MINDY3: variants seen among roughly 807,000 people sequenced by gnomAD.
MINDY3 encodes the protein ubiquitin carboxyl-terminal hydrolase MINDY-3.
MINDY3 carries 38 observed loss-of-function variants against 69.2 expected under a neutral mutation model. That is an observed-to-expected ratio of 0.55 (90% CI 0.42 to 0.72). The LOEUF is 0.72. MINDY3 is among the 30% of genes least tolerant of loss of function. MINDY3 has a pLI of 0.00. For synonymous variants in MINDY3, 192 were observed against 180.1 expected, an observed-to-expected ratio of 1.07 and a Z score of -0.53; for missense variants, 522 against 519.0, an observed-to-expected ratio of 1.01 and a Z score of -0.06.
At chr10:15,801,352 C>T (rs1161748347) in intron 10 of MINDY3, among the ~76,000 whole-genome samples, 1 of 152,110 alleles carries the variant, frequency 6.6e-6, no homozygotes, top group Non-Finnish European at 1.5e-5. Flanking sequence ...AAAGATAACA[C>T]CAGCTGCCAA....
chr10:15,860,147 C>T, intron 1 of MINDY3, 59 bp downstream of exon 1: 5 of 1,284,000 alleles, frequency 3.9e-6, no homozygotes, highest in Non-Finnish European at 4.4e-6. Context: ...GCGTCACAGG[C>T]GGACTCTCGC....
At chr10:15,859,837 T>A (rs916592886) in intron 1 of MINDY3, among the ~76,000 whole-genome samples, 4 of 152,162 alleles carry the variant, frequency 2.6e-5, no homozygotes, top group African/African-American at 9.7e-5. Context: ...GACAGCTCTG[T>A]TAGGGGGTAA....
chr10:15,811,368 T>C (rs1401672268), intron 10 of MINDY3, among the ~76,000 whole-genome samples: 1 of 152,150 alleles, frequency 6.6e-6, no homozygotes. Context: ...CCAAAATATA[T>C]TTTTTGAAAA....
intron 3 of MINDY3, among the ~76,000 whole-genome samples, chr10:15,842,540 T>C (rs1230916831): frequency 6.6e-6 from 1 of 151,902 alleles, no homozygotes; most frequent in African/African-American, 2.4e-5. Flanking sequence ...AACTCTTAAA[T>C]TCAAAATCAT....
chr10:15,828,674 T>C (rs148391463), intron 8 of MINDY3, among the ~76,000 whole-genome samples: 122 of 152,160 alleles, frequency 8.0e-4, no homozygotes, highest in Non-Finnish European at 1.4e-3. Flanking sequence ...GAAAGACGTA[T>C]ATACAAAACA....
At chr10:15,781,458 T>C (rs937473604) in intron 14 of MINDY3, among the ~76,000 whole-genome samples, 1 of 150,792 alleles carries the variant, frequency 6.6e-6, no homozygotes, top group Non-Finnish European at 1.5e-5. Context: ...CTTGAATAAA[T>C]GCAAAGATAA....
intron 5 of MINDY3, chr10:15,837,530 A>C (rs1255961441): frequency 7.6e-6 from 11 of 1,442,128 alleles, no homozygotes; most frequent in Admixed American, 2.1e-5. Context: ...ATCATTAAGA[A>C]AGAACACCTA....
chr10:15,838,169 G>C, intron 5 of MINDY3, 59 bp downstream of exon 5: 1 of 1,547,922 alleles, frequency 6.5e-7, no homozygotes, highest in Non-Finnish European at 8.7e-7. Flanking sequence ...AGTATGAACA[G>C]ACTTAAAGTG....
chr10:15,832,310 T>C (rs114372412), intron 8 of MINDY3, among the ~76,000 whole-genome samples: 2,596 of 151,998 alleles, frequency 0.017, 53 homozygotes, highest in African/African-American at 0.056. Flanking sequence ...TCCCTAATCA[T>C]ATGAGATAAG....
At position 15,859,982 on chromosome 10, in the gene MINDY3, AAGAGCGCTGCGGGTATTT is replaced by A. The variant is rs529229799; in HGVS notation, c.94+206_94+223del. 6.0e-4 allele frequency among the ~76,000 whole-genome samples: 91 copies of A among 152,338 alleles called. 1 individual carries two copies. In the East Asian group the frequency reaches 0.013, roughly 22 times the overall value. On this transcript the variant is annotated intron_variant, in intron 1 of 14. Transcript: ENST00000277632. Reference sequence around the variant, plus strand: ...GCCGAAGGGCAGCCCGGAGGATGGAAAGAGCGCTGCGGGTATTTAGTGGCAGCTGTAACCATTCTCCTA... The same window carrying A: ...GCCGAAGGGCAGCCCGGAGGATGGAAAGTGGCAGCTGTAACCATTCTCCTA...
chr10:15,818,838 G>A (rs1839553814), intron 9 of MINDY3, among the ~76,000 whole-genome samples: 1 of 152,128 alleles, frequency 6.6e-6, no homozygotes, highest in South Asian at 2.1e-4. Context: ...TGAGTGGGAG[G>A]AGCATGGGAC....
chr10:15,852,359 T>C (rs1420957681), intron 1 of MINDY3, among the ~76,000 whole-genome samples: 1 of 152,192 alleles, frequency 6.6e-6, no homozygotes, highest in Non-Finnish European at 1.5e-5. Flanking sequence ...ATTTGGCAAC[T>C]TTTAGAAATC....
At chr10:15,784,638 GA>G (rs1836813221) in intron 13 of MINDY3, among the ~76,000 whole-genome samples, 1 of 152,186 alleles carries the variant, frequency 6.6e-6, no homozygotes. Context: ...ACAGGAGGCT[GA>G]GGCAGGAGAA....
At chr10:15,791,585 A>G (rs1373304675) in intron 11 of MINDY3, among the ~76,000 whole-genome samples, 1 of 151,964 alleles carries the variant, frequency 6.6e-6, no homozygotes, top group Admixed American at 6.6e-5. Context: ...GGAAACGGCT[A>G]GCATGTACAT....
intron 10 of MINDY3, among the ~76,000 whole-genome samples, chr10:15,810,739 T>G (rs1455088941): frequency 1.3e-5 from 2 of 152,076 alleles, no homozygotes; most frequent in African/African-American, 4.8e-5. Context: ...ACAAAAATCC[T>G]GCCATCACAG....
intron 11 of MINDY3, among the ~76,000 whole-genome samples, chr10:15,791,160 G>T (rs1442857255): frequency 6.6e-6 from 1 of 152,030 alleles, no homozygotes; most frequent in Non-Finnish European, 1.5e-5. Context: ...AGATGTAATA[G>T]AATTTTCTCA....
intron 9 of MINDY3, among the ~76,000 whole-genome samples, chr10:15,818,286 G>C (rs1481823676): frequency 6.8e-6 from 1 of 147,216 alleles, no homozygotes; most frequent in Non-Finnish European, 1.5e-5. Context: ...CTTTCTTTCA[G>C]AAAAAGTGTG....
intron 11 of MINDY3, among the ~76,000 whole-genome samples, chr10:15,795,329 G>C (rs1268475253): frequency 6.6e-6 from 1 of 151,976 alleles, no homozygotes; most frequent in African/African-American, 2.4e-5. Flanking sequence ...TGCATGACAT[G>C]GATTTTCAGA....
intron 2 of MINDY3, among the ~76,000 whole-genome samples, chr10:15,847,581 C>T (rs180870534): frequency 1.3e-5 from 2 of 152,108 alleles, no homozygotes; most frequent in Admixed American, 6.5e-5. Flanking sequence ...AATAGGATCT[C>T]TGTGTTAAAG....
Sources: gnomAD v4.1 joint callset for allele counts (sites outside exome capture counted in the v4.1 genomes callset) on GRCh38, gnomAD v4.1.1 for gene constraint, MANE v1.5 for transcripts, NCBI Gene and HGNC (gene_info 2026-07-23, HGNC 2026-07-21) for gene names.